The following UPF2 variants were observed in gnomAD, a reference collection of about 807,000 sequenced individuals.
UPF2 encodes the protein regulator of nonsense transcripts 2.
In UPF2, 17 loss-of-function variants were observed where a neutral mutation model predicts 141.4. The observed-to-expected ratio is 0.12, with a 90% confidence interval of 0.08 to 0.18. The LOEUF (loss-of-function observed/expected upper bound fraction) is 0.18, where lower values mean the gene tolerates loss of function less well. UPF2 is among the 10% of genes least tolerant of loss of function. The probability of loss-of-function intolerance (pLI) is 1.00; values close to 1 mark genes in which losing one functional copy is unlikely to be tolerated. For synonymous variants in UPF2, 540 were observed against 498.0 expected, an observed-to-expected ratio of 1.08 and a Z score of -1.12; for missense variants, 1,152 against 1,515.9, an observed-to-expected ratio of 0.76 and a Z score of 3.99.
chr10:11,979,121 T>C lies in UPF2; in HGVS notation c.1889A>G (p.His630Arg). ...PFYARLVATLHPCMSDVAEDL... is the reference protein window; with the variant it reads ...PFYARLVATLRPCMSDVAEDL... ...CTCTGCTACATCAGACATGCAGGGA[T>C]GCAATGTAGCAACCAATCTTGCATA... is the stretch of plus-strand genomic sequence containing the variant. Residue 630 changes from histidine (H) to arginine (R), a missense_variant, in exon 9 of 22, where the codon CAT (histidine) becomes CGT (arginine). Transcript: ENST00000357604. The surrounding 1 kb of genome is among the most constrained non-coding windows in gnomAD (Gnocchi z 6.2). 2 of 1,613,586 alleles carry C rather than the reference T, an allele frequency of 1.2e-6. No homozygotes were observed. The highest frequency in any genetic ancestry group is 1.7e-6 in the Non-Finnish European group (2 of 1,179,676).
intron 8 of UPF2, among the ~76,000 whole-genome samples, chr10:11,996,115 C>G (rs771439834): frequency 3.9e-5 from 6 of 152,110 alleles, no homozygotes; most frequent in African/African-American, 1.4e-4. Context: ...ATCTTGTTCA[C>G]CCCTGTACTG....
intron 1 of UPF2, among the ~76,000 whole-genome samples, chr10:12,039,915 C>A (rs150486547): frequency 3.8e-4 from 58 of 152,268 alleles, no homozygotes; most frequent in African/African-American, 1.4e-3. Flanking sequence ...GCCACTGTGG[C>A]TGGCAGCATG....
chr10:11,986,076 G>A (rs1481436931), intron 8 of UPF2, among the ~76,000 whole-genome samples: 2 of 151,324 alleles, frequency 1.3e-5, no homozygotes, highest in African/African-American at 4.9e-5. Context: ...AGTAGAGACG[G>A]GGTTTCACCG....
In UPF2 at chr10:11,939,806, A is replaced by G. The variant is rs1832914966; in HGVS notation, c.3378+2859T>C. On this transcript the variant is annotated intron_variant, in intron 18 of 21. Coordinates refer to ENST00000357604, the MANE Select transcript of UPF2 (RefSeq NM_015542.4). The surrounding 1 kb of genome is among the most constrained non-coding windows in gnomAD (Gnocchi z 4.8). The stretch of plus-strand genomic sequence containing the variant: ...TGCTGGGATTACAGGTGTGAGCCAC[A>G]GTGCCCAGCCATGTTTTCATATCTT... Among the ~76,000 whole-genome samples the G allele has an allele frequency of 6.6e-6, 1 of 152,148 alleles. No individual in the cohort carries two copies. The highest frequency in any genetic ancestry group is 1.5e-5 in the Non-Finnish European group (1 of 68,016).
chr10:11,936,604 C>G lies in UPF2; in HGVS notation c.3487G>C (p.Ala1163Pro). 6.2e-7 allele frequency: 1 copy of G among 1,613,000 alleles called. No individual in the cohort carries two copies. Among genetic ancestry groups the G allele is most frequent in the South Asian group, 1.1e-5 (1 of 90,716 alleles). The change falls in exon 19 of 22, where the codon GCT becomes CCT. Residue 1163 changes from alanine (A) to proline (P), a missense_variant. Transcript: ENST00000357604. The surrounding 1 kb of genome is among the most constrained non-coding windows in gnomAD (Gnocchi z 6.6). Reference sequence around the variant, plus strand: ...AACGGCATTGTGTCTGCAGACTCAGCCTCTCCTTCCCCACCTCCCAGTGGG... The same window carrying G: ...AACGGCATTGTGTCTGCAGACTCAGGCTCTCCTTCCCCACCTCCCAGTGGG... ...GPPLGGGEGE[A>P]ESADTMPFVM...
chr10:11,983,009 A>G (rs1833624475), intron 8 of UPF2, among the ~76,000 whole-genome samples: 1 of 152,096 alleles, frequency 6.6e-6, no homozygotes, highest in Non-Finnish European at 1.5e-5. Context: ...ACCCCTACCC[A>G]CCAAAATTGT....
chr10:11,934,139 A>G (rs1394485719), intron 19 of UPF2, among the ~76,000 whole-genome samples: 2 of 152,190 alleles, frequency 1.3e-5, no homozygotes, highest in African/African-American at 4.8e-5. Flanking sequence ...AATGAAGGAG[A>G]TCTAAAACGT....
chr10:12,034,925 G>A, intron 2 of UPF2, 134 bp downstream of exon 2: 1 of 1,329,480 alleles, frequency 7.5e-7, no homozygotes, highest in Non-Finnish European at 1.0e-6. Flanking sequence ...GAAACTAACA[G>A]AACAAGTAAA....
In UPF2 at chr10:11,956,654, C is replaced by A; in HGVS notation, c.2371-131G>T. 2.6e-6 allele frequency: 2 copies of A among 759,342 alleles called. No individual in the cohort carries two copies. Among genetic ancestry groups the A allele is most frequent in the Non-Finnish European group, 4.3e-6 (2 of 467,762 alleles). 47.0% of individuals were successfully genotyped at this position (759,342 alleles called of 1,614,324 possible). On this transcript the variant is annotated intron_variant, in intron 12 of 21. Coordinates refer to ENST00000357604, the MANE Select transcript of UPF2 (RefSeq NM_015542.4). The surrounding 1 kb of genome is among the most constrained non-coding windows in gnomAD (Gnocchi z 4.2). Reference sequence around the variant, plus strand: ...AAATACATTAGAAATCCTCTATCGGCCTCTTCAGAAATAGAAAAACTGAGA... The same window carrying A: ...AAATACATTAGAAATCCTCTATCGGACTCTTCAGAAATAGAAAAACTGAGA...
At chr10:12,030,153 T>A (rs1345381779) in intron 2 of UPF2, among the ~76,000 whole-genome samples, 2 of 152,026 alleles carry the variant, frequency 1.3e-5, no homozygotes, top group Non-Finnish European at 2.9e-5. Context: ...ATAATGCTAC[T>A]GTGAAAAATA....
intron 1 of UPF2, among the ~76,000 whole-genome samples, chr10:12,036,284 C>T (rs1834624128): frequency 6.6e-6 from 1 of 152,214 alleles, no homozygotes; most frequent in Admixed American, 6.5e-5. Flanking sequence ...ATACAAGTAG[C>T]TCCTCCCTCA....
At chr10:11,987,173 T>C (rs746518891) in intron 8 of UPF2, among the ~76,000 whole-genome samples, 4 of 152,194 alleles carry the variant, frequency 2.6e-5, no homozygotes, top group Non-Finnish European at 2.9e-5. Flanking sequence ...ATATGTATAC[T>C]TTAGATATAA....
rs777234873 is a variant in UPF2 at position 11,942,774 on chromosome 10, C to T, written c.3280-11G>A. 2.5e-6 allele frequency: 4 copies of T among 1,610,104 alleles called. No individual in the cohort carries two copies. Among genetic ancestry groups the T allele is most frequent in the South Asian group, 2.2e-5 (2 of 90,578 alleles). ...TTTAATCATTACCTCCTTATTAAAA[C>T]AAAACAACAAAATCAGACCAGAAAT... On this transcript the variant is annotated splice_polypyrimidine_tract_variant and intron_variant, in intron 17 of 21. Transcript: ENST00000357604.
intron 19 of UPF2, among the ~76,000 whole-genome samples, chr10:11,932,382 C>T (rs998357267): frequency 7.9e-5 from 12 of 151,808 alleles, no homozygotes; most frequent in Non-Finnish European, 1.6e-4. Context: ...AAGAAAATTT[C>T]GTAATGTGAT....
intron 14 of UPF2, 46 bp downstream of exon 14, chr10:11,955,186 T>C (rs1833129627): frequency 6.7e-7 from 1 of 1,498,322 alleles, no homozygotes; most frequent in Non-Finnish European, 8.9e-7. Flanking sequence ...TTAAAACACA[T>C]GCAATATGTT....
chr10:12,038,855 G>T (rs577856622), intron 1 of UPF2, among the ~76,000 whole-genome samples: 1 of 152,024 alleles, frequency 6.6e-6, no homozygotes, highest in Non-Finnish European at 1.5e-5. Context: ...TAGAGACAAG[G>T]TCTCAGTACG....
chr10:12,037,642 C>T (rs1225162708), intron 1 of UPF2, among the ~76,000 whole-genome samples: 1 of 151,980 alleles, frequency 6.6e-6, no homozygotes, highest in Non-Finnish European at 1.5e-5. Context: ...ATCCATCTGA[C>T]TTGGCCTCCC....
chr10:12,003,907 A>G (rs1419697414), intron 5 of UPF2, among the ~76,000 whole-genome samples: 1 of 141,088 alleles, frequency 7.1e-6, no homozygotes, highest in Non-Finnish European at 1.5e-5. Context: ...CCTGGACAAG[A>G]GCAAAAACTC....
intron 19 of UPF2, among the ~76,000 whole-genome samples, chr10:11,934,912 A>G (rs1564335984): frequency 6.6e-6 from 1 of 152,092 alleles, no homozygotes; most frequent in Non-Finnish European, 1.5e-5. Context: ...TAATTGGTAT[A>G]TAGGTGGTAT....
Sources: gnomAD v4.1 joint callset for allele counts (sites outside exome capture counted in the v4.1 genomes callset) on GRCh38, gnomAD v4.1.1 for gene constraint, Gnocchi (gnomAD v3.1) non-coding constraint, MANE v1.5 for transcripts, NCBI Gene and HGNC (gene_info 2026-07-23, HGNC 2026-07-21) for gene names.